THBS1: variants seen among roughly 807,000 people sequenced by gnomAD.
The protein encoded by THBS1 is thrombospondin-1.
THBS1 carries 29 observed loss-of-function variants against 126.1 expected under a neutral mutation model. That is an observed-to-expected ratio of 0.23 (90% CI 0.17 to 0.31). The LOEUF (loss-of-function observed/expected upper bound fraction) is 0.31, where lower values mean the gene tolerates loss of function less well. Ranked by LOEUF, THBS1 falls within the 10% of genes least tolerant of loss-of-function variation. The pLI, the probability that THBS1 is intolerant of heterozygous loss-of-function variation, is 1.00. For missense variants in THBS1, 1,198 were observed against 1,545.2 expected, an observed-to-expected ratio of 0.78 and a Z score of 3.77; for synonymous variants, 496 against 577.8, an observed-to-expected ratio of 0.86 and a Z score of 2.03.
Position 39,582,710 on chromosome 15 carries a change from CA to C in THBS1, c.586del (p.Arg196AspfsTer20). The part of the protein sequence containing the change: ...VFTRDLASIA[R>X]LRIAKGGVND... ...TCACCAGAGACCTGGCCAGCATCGCCAGACTCCGCATCGCAAAGGGGGGCGT... is the reference window on the plus strand; with the variant it reads ...TCACCAGAGACCTGGCCAGCATCGCCGACTCCGCATCGCAAAGGGGGGCGT... On this transcript the variant is annotated frameshift_variant, in exon 3 of 22. Transcript: ENST00000260356. LOFTEE classifies it high-confidence loss of function. The C allele has an allele frequency of 6.2e-7, 1 of 1,613,308 alleles. No individual in the cohort carries two copies. Among genetic ancestry groups the C allele is most frequent in the Non-Finnish European group, 8.5e-7 (1 of 1,179,962 alleles).
chr15:39,584,102 C>T lies in THBS1; in HGVS notation c.818C>T (p.Ser273Phe). The change falls in exon 5 of 22, where the codon TCC (serine) becomes TTC (phenylalanine). Residue 273 changes from serine (S) to phenylalanine (F), a missense_variant. Transcript: ENST00000260356. ...TKDLQAICGI[S>F]CDELSSMVLE... ...GACTTGCAAGCCATCTGCGGCATCT[C>T]CTGTGATGAGCTGTCCAGCATGGTC... 1 of 1,614,232 alleles carries T rather than the reference C, an allele frequency of 6.2e-7. No individual in the cohort carries two copies.
At chr15:39,595,210 A>C (rs1197028988) in intron 21 of THBS1, 152 bp from the exon 22 acceptor site, 1 of 447,824 alleles carries the variant, frequency 2.2e-6, no homozygotes, top group East Asian at 3.4e-5. Context: ...TAATAAAATT[A>C]AATGCTAATG....
chr15:39,583,144 T>C (rs1440952427), intron 3 of THBS1, among the ~76,000 whole-genome samples: 2 of 152,204 alleles, frequency 1.3e-5, no homozygotes, highest in Admixed American at 1.3e-4. Flanking sequence ...AATGGATACT[T>C]TCTATGGGCA....
Position 39,589,539 on chromosome 15 carries a change from T to C in THBS1, c.1926+185T>C, listed in dbSNP as rs1443020540. Among the ~76,000 whole-genome samples the C allele has an allele frequency of 6.6e-6, 1 of 152,178 alleles. No individual in the cohort carries two copies. Among genetic ancestry groups the C allele is most frequent in the Non-Finnish European group, 1.5e-5 (1 of 68,024 alleles). The stretch of plus-strand genomic sequence containing the variant: ...GGTAAATCCTGCAGGGGAAAAACAG[T>C]CTTCCATATTTAAAAATGCTGCTCT... On this transcript the variant is annotated intron_variant, in intron 12 of 21. Coordinates refer to ENST00000260356, the MANE Select transcript of THBS1 (RefSeq NM_003246.4). The surrounding 1 kb of genome is among the most constrained non-coding windows in gnomAD (Gnocchi z 4.7).
At position 39,596,799 on chromosome 15, in the gene THBS1, C is replaced by A. The variant is rs1435411201; in HGVS notation, c.*1430C>A. On this transcript the variant is annotated 3_prime_UTR_variant, in exon 22 of 22. Coordinates refer to ENST00000260356, the MANE Select transcript of THBS1 (RefSeq NM_003246.4). ...TTTACCCCATCCCTTGTGCATATTT[C>A]CAGGGAGAAGGAAAGCATATACACT... 6.6e-6 allele frequency: 1 copy of A among 152,144 alleles called. No homozygotes were observed. The highest frequency in any genetic ancestry group is 1.9e-4 in the East Asian group (1 of 5,202). The allele number at this position is 152,144 out of a possible 1,614,324, so 9.4% of individuals were successfully genotyped here.
chr15:39,591,770 T>C, intron 16 of THBS1, 147 bp downstream of exon 16: 1 of 753,040 alleles, frequency 1.3e-6, no homozygotes, highest in Non-Finnish European at 2.3e-6. Context: ...TACGTTCATG[T>C]AAATAATTTG....
At position 39,595,168 on chromosome 15, in the gene THBS1, C is replaced by A. The variant is rs957052115; in HGVS notation, c.3506-194C>A. 2.0e-5 allele frequency among the ~76,000 whole-genome samples: 3 copies of A among 152,180 alleles called. No homozygotes were observed. The South Asian group carries it at 6.2e-4, about 31-fold the overall frequency. Reference sequence around the variant, plus strand: ...CATAATATATGTTCTGGAAGGTTCACGCTGTGTCGGTCTCCTAGCATCAAT... The same window carrying A: ...CATAATATATGTTCTGGAAGGTTCAAGCTGTGTCGGTCTCCTAGCATCAAT... On this transcript the variant is annotated intron_variant, in intron 21 of 21. Transcript: ENST00000260356.
At chr15:39,586,835 A>T (rs1375754816) in intron 7 of THBS1, 2 of 152,362 alleles carry the variant, frequency 1.3e-5, no homozygotes, top group Non-Finnish European at 2.9e-5. Context: ...ATAGGAGAGC[A>T]TACACTGTGG....
chr15:39,584,112 G>T lies in THBS1; in HGVS notation c.828G>T (p.Glu276Asp), dbSNP rs61731228. ...LQAICGISCD[E>D]LSSMVLELRG... ...CCATCTGCGGCATCTCCTGTGATGA[G>T]CTGTCCAGCATGGTCCTGGAACTCA... Residue 276 changes from glutamate to aspartate, a missense_variant, in exon 5 of 22, where the codon GAG (glutamate) becomes GAT (aspartate). By Grantham distance (45) the Glu-to-Asp change is conservative. Coordinates refer to ENST00000260356, the MANE Select transcript of THBS1 (RefSeq NM_003246.4). 2 of 1,614,224 alleles carry T rather than the reference G, an allele frequency of 1.2e-6. No homozygotes were observed. The highest frequency in any genetic ancestry group is 3.3e-5 in the Admixed American group (2 of 60,034).
intron 4 of THBS1, 80 bp downstream of exon 4, chr15:39,583,772 G>T: frequency 6.8e-7 from 1 of 1,471,258 alleles, no homozygotes; most frequent in African/African-American, 1.4e-5. Flanking sequence ...TTTAGCAATA[G>T]TGGTTATACA....
In THBS1 at chr15:39,594,856, C is replaced by T. The variant is rs143479270; in HGVS notation, c.3505+416C>T. Among the ~76,000 whole-genome samples the T allele has an allele frequency of 5.3e-5, 8 of 152,320 alleles. No individual in the cohort carries two copies. Among genetic ancestry groups the T allele is most frequent in the African/African-American group, 1.9e-4 (8 of 41,570 alleles). ...AAAGAAGGGAGAGGAATGTTGCTTT[C>T]ATATTGGCATGTTAAATTAATGTTC... On this transcript the variant is annotated intron_variant, in intron 21 of 21. Coordinates refer to ENST00000260356, the MANE Select transcript of THBS1 (RefSeq NM_003246.4). This position sits in a 1 kb window ranked among gnomAD's most constrained non-coding sequence, Gnocchi z 4.4.
At position 39,592,728 on chromosome 15, in the gene THBS1, A is replaced by G; in HGVS notation, c.2693A>G (p.Asp898Gly). ...DGKGDACDHDDDNDGIPDDKD... is the reference protein window; with the variant it reads ...DGKGDACDHDGDNDGIPDDKD... ...AAGGGAGATGCCTGTGACCACGATG[A>G]TGACAACGATGGCATTCCTGATGAC... The change falls in exon 17 of 22, where the codon GAT becomes GGT. Residue 898 changes from aspartate to glycine, a missense_variant. Physicochemically the swap from Asp to Gly is moderately conservative, Grantham distance 94. Around this residue, in one of 4 missense-constraint regions of THBS1, gnomAD observed 255 missense variants for 373.9 expected, o/e 0.68. Transcript: ENST00000260356. The surrounding 1 kb of genome is among the most constrained non-coding windows in gnomAD (Gnocchi z 4.3). 3 of 1,614,208 alleles carry G rather than the reference A, an allele frequency of 1.9e-6. No individual in the cohort carries two copies. Among genetic ancestry groups the G allele is most frequent in the Non-Finnish European group, 2.5e-6 (3 of 1,180,036 alleles).
chr15:39,581,640 C>CTT (rs1890106357), intron 1 of THBS1, 189 bp from the exon 2 acceptor site: 6 of 114,570 alleles, frequency 5.2e-5, no homozygotes, highest in Non-Finnish European at 9.4e-5. Flanking sequence ...TTTCCTCCAC[C>CTT]TCTCTCTCTC....
chr15:39,584,175 C>A lies in THBS1; in HGVS notation c.891C>A (p.Ser297Arg), dbSNP rs1890165994. Residue 297 changes from serine to arginine, a missense_variant, in exon 5 of 22, where the codon AGC becomes AGA. Transcript: ENST00000260356. ...LRTIVTTLQD[S>R]IRKVTEENKE... is the part of the protein sequence containing the mutation. ...CCATTGTGACCACGCTGCAGGACAG[C>A]ATCCGCAAAGTGGTCAGTGGCCTCT... is the stretch of plus-strand genomic sequence containing the variant. 1 of 1,613,972 alleles carries A rather than the reference C, an allele frequency of 6.2e-7. No homozygotes were observed. Among genetic ancestry groups the A allele is most frequent in the African/African-American group, 1.3e-5 (1 of 74,930 alleles).
In THBS1 at chr15:39,593,652, G is replaced by C; in HGVS notation, c.3251G>C (p.Gly1084Ala). Residue 1084 changes from glycine (G) to alanine (A), a missense_variant, in exon 19 of 22, where the codon GGA becomes GCA. By Grantham distance (60) the Gly-to-Ala change is moderately conservative. Around this residue, in one of 4 missense-constraint regions of THBS1, gnomAD observed 255 missense variants for 373.9 expected, o/e 0.68. Coordinates refer to ENST00000260356, the MANE Select transcript of THBS1 (RefSeq NM_003246.4). This position sits in a 1 kb window ranked among gnomAD's most constrained non-coding sequence, Gnocchi z 5.9. ...EHLRNALWHT[G>A]NTPGQVRTLW... is the part of the protein sequence containing the mutation. ...CTGCGGAACGCCCTGTGGCACACAG[G>C]AAACACCCCTGGCCAGGTAAGAAGC... The C allele has an allele frequency of 6.2e-7, 1 of 1,613,676 alleles. No homozygotes were observed. The highest frequency in any genetic ancestry group is 1.1e-5 in the South Asian group (1 of 91,062).
At position 39,582,480 on chromosome 15, in the gene THBS1, G is replaced by A. The variant is rs149232254; in HGVS notation, c.355G>A (p.Val119Met). 1.4e-5 allele frequency: 22 copies of A among 1,614,172 alleles called. No homozygotes were observed. Among genetic ancestry groups the A allele is most frequent in the African/African-American group, 8.0e-5 (6 of 75,060 alleles). The change falls in exon 3 of 22, where the codon GTG becomes ATG. Residue 119 changes from valine to methionine, a missense_variant. Coordinates refer to ENST00000260356, the MANE Select transcript of THBS1 (RefSeq NM_003246.4). ...AGACCACTCTGGCCAGGTCTTCAGC[G>A]TGGTGTCCAATGGCAAGGCGGGCAC... ...RKDHSGQVFSVVSNGKAGTLD... is the reference protein window; with the variant it reads ...RKDHSGQVFSMVSNGKAGTLD...
rs372911079 is a variant in THBS1, at chr15:39,581,902, G to C, written c.45G>C (p.Val15=). The C allele has an allele frequency of 2.5e-6, 4 of 1,614,170 alleles. No homozygotes were observed. The South Asian group carries it at 4.4e-5, about 18-fold the overall frequency. ...TAGGCGTCCTGTTCCTGATGCATGT[G>C]TGTGGCACCAACCGCATTCCAGGTG... ...WGLGVLFLMH[V]CGTNRIPESG... The change falls in exon 2 of 22, where the codon GTG becomes GTC. Residue 15 remains valine, a synonymous_variant. Transcript: ENST00000260356.
At chr15:39,584,473 C>G (rs746105593) in intron 6 of THBS1, 51 bp downstream of exon 6, 2 of 1,607,964 alleles carry the variant, frequency 1.2e-6, no homozygotes, top group East Asian at 4.5e-5. Flanking sequence ...TTGTTTGAAC[C>G]TACATCTTTG....
chr15:39,588,720 T>C (rs1328477742), intron 10 of THBS1, 21 bp downstream of exon 10: 3 of 1,555,328 alleles, frequency 1.9e-6, no homozygotes, highest in East Asian at 2.3e-5. Context: ...CAGCCCAGGA[T>C]GAAACGACCC....
Sources: allele counts gnomAD v4.1 joint callset (sites outside exome capture counted in the v4.1 genomes callset), GRCh38; gene constraint gnomAD v4.1.1; regional missense constraint gnomAD v4.1.1; non-coding constraint Gnocchi (gnomAD v3.1); transcripts MANE v1.5; gene names NCBI Gene and HGNC (gene_info 2026-07-23, HGNC 2026-07-21).